The following NKAIN2 variants were observed in gnomAD, a reference collection of about 807,000 sequenced individuals.
NKAIN2 encodes sodium/potassium transporting ATPase interacting 2.
In NKAIN2, 14 loss-of-function variants were observed where a neutral mutation model predicts 32.6. The observed-to-expected ratio is 0.43, with a 90% CI of 0.28 to 0.67. The LOEUF (loss-of-function observed/expected upper bound fraction) is 0.67, where lower values mean the gene tolerates loss of function less well. NKAIN2 is among the 30% of genes least tolerant of loss of function. The probability of loss-of-function intolerance (pLI) is 0.17; values close to 1 mark genes in which losing one functional copy is unlikely to be tolerated. For synonymous variants in NKAIN2, 80 were observed against 87.2 expected, an observed-to-expected ratio of 0.92 and a Z score of 0.46; for missense variants, 198 against 258.3, an observed-to-expected ratio of 0.77 and a Z score of 1.60.
intron 1 of NKAIN2, among the ~76,000 whole-genome samples, chr6:124,220,708 T>G (rs1562431292): frequency 6.6e-6 from 1 of 151,782 alleles, no homozygotes; most frequent in Non-Finnish European, 1.5e-5. Context: ...TAAATTATAC[T>G]AATATATATG....
At chr6:124,256,890 T>TTG (rs1214085642) in intron 1 of NKAIN2, among the ~76,000 whole-genome samples, 9 of 145,818 alleles carry the variant, frequency 6.2e-5, no homozygotes, top group South Asian at 2.2e-4. Flanking sequence ...CTGTTGTTTT[T>TTG]TTTTTTTTTT....
At chr6:123,872,168 A>G (rs538383650) in intron 1 of NKAIN2, among the ~76,000 whole-genome samples, 119 of 152,308 alleles carry the variant, frequency 7.8e-4, no homozygotes, top group Middle Eastern at 3.4e-3. Context: ...ATTATTTGGA[A>G]GTAGAACCTG....
chr6:123,977,045 A>G (rs1389509732), intron 1 of NKAIN2, among the ~76,000 whole-genome samples: 1 of 152,206 alleles, frequency 6.6e-6, no homozygotes, highest in East Asian at 1.9e-4. Context: ...CTGGAGTGCA[A>G]TGGCACAATC....
intron 3 of NKAIN2, among the ~76,000 whole-genome samples, chr6:124,430,654 C>T (rs332629): frequency 0.15 from 22,133 of 146,896 alleles, 2,000 homozygotes; most frequent in East Asian, 0.24. Context: ...CTCAGAGCTA[C>T]GAAGATGTAT....
At chr6:124,201,881 A>G (rs1250632170) in intron 1 of NKAIN2, among the ~76,000 whole-genome samples, 1 of 152,064 alleles carries the variant, frequency 6.6e-6, no homozygotes, top group African/African-American at 2.4e-5. Flanking sequence ...AACTTCAAAT[A>G]GGATAAGATT....
At chr6:124,470,315 A>G (rs555736386) in intron 3 of NKAIN2, among the ~76,000 whole-genome samples, 2 of 152,212 alleles carry the variant, frequency 1.3e-5, no homozygotes, top group Non-Finnish European at 1.5e-5. Flanking sequence ...TTTCTATATT[A>G]ACTCAAGATA....
At chr6:124,820,058 CTCTAA>C (rs1275108886) in intron 6 of NKAIN2, among the ~76,000 whole-genome samples, 3 of 152,076 alleles carry the variant, frequency 2.0e-5, no homozygotes, top group African/African-American at 7.2e-5. Context: ...ATCTTTTCTC[CTCTAA>C]TATTTCTTTT....
intron 1 of NKAIN2, among the ~76,000 whole-genome samples, chr6:124,173,418 G>A (rs1465206880): frequency 2.0e-5 from 3 of 152,000 alleles, no homozygotes; most frequent in Non-Finnish European, 2.9e-5. Context: ...GTAATGAAGT[G>A]AGATACCTAT....
intron 1 of NKAIN2, among the ~76,000 whole-genome samples, chr6:123,941,740 G>T (rs1391597712): frequency 6.6e-6 from 1 of 151,982 alleles, no homozygotes; most frequent in Non-Finnish European, 1.5e-5. Flanking sequence ...CTGCTTCGGG[G>T]TTCAGAAAGA....
chr6:123,820,786 C>T (rs548649398), intron 1 of NKAIN2, among the ~76,000 whole-genome samples: 4 of 152,136 alleles, frequency 2.6e-5, no homozygotes, highest in Admixed American at 2.0e-4. Context: ...GCTATTTAGC[C>T]GTACCCCTCA....
At chr6:123,827,155 C>T (rs1774183119) in intron 1 of NKAIN2, among the ~76,000 whole-genome samples, 1 of 152,086 alleles carries the variant, frequency 6.6e-6, no homozygotes. Flanking sequence ...GGAGAAATGT[C>T]TATTCAAGTC....
intron 1 of NKAIN2, among the ~76,000 whole-genome samples, chr6:124,274,873 T>A (rs2626094): frequency 0.27 from 40,377 of 151,816 alleles, 5,853 homozygotes; most frequent in African/African-American, 0.37. Flanking sequence ...ATCAAGTAAC[T>A]CTTTGCGATT....
chr6:124,068,081 A>G (rs976808131), intron 1 of NKAIN2, among the ~76,000 whole-genome samples: 1 of 152,186 alleles, frequency 6.6e-6, no homozygotes, highest in African/African-American at 2.4e-5. Context: ...GAGTTTTAAT[A>G]ACTTAAGTTT....
intron 5 of NKAIN2, among the ~76,000 whole-genome samples, chr6:124,799,292 C>G (rs1780150178): frequency 6.6e-6 from 1 of 152,178 alleles, no homozygotes; most frequent in Admixed American, 6.5e-5. Flanking sequence ...TGTTTTTCAG[C>G]CTTCTATTAA....
intron 1 of NKAIN2, among the ~76,000 whole-genome samples, chr6:124,036,765 A>C (rs1030391195): frequency 6.6e-6 from 1 of 152,130 alleles, no homozygotes; most frequent in Non-Finnish European, 1.5e-5. Flanking sequence ...TTTCTACTTC[A>C]GAAGTGTGTA....
intron 4 of NKAIN2, among the ~76,000 whole-genome samples, chr6:124,725,562 A>T (rs887517238): frequency 2.0e-5 from 3 of 152,124 alleles, no homozygotes; most frequent in Admixed American, 1.3e-4. Context: ...TTTGTCCTTT[A>T]TTACCCAAAC....
intron 1 of NKAIN2, among the ~76,000 whole-genome samples, chr6:124,244,995 CA>C (rs1554271963): frequency 2.0e-5 from 3 of 152,052 alleles, no homozygotes; most frequent in Non-Finnish European, 1.5e-5. Context: ...ATTCCTAGTG[CA>C]TGTTGGCTCC....
chr6:124,600,771 T>G (rs539894621), intron 3 of NKAIN2, among the ~76,000 whole-genome samples: 2 of 152,250 alleles, frequency 1.3e-5, no homozygotes, highest in East Asian at 1.9e-4. Flanking sequence ...ACAAACATTT[T>G]TATGGTTAAA....
At chr6:124,256,302 G>GA (rs1177440706) in intron 1 of NKAIN2, among the ~76,000 whole-genome samples, 1 of 152,138 alleles carries the variant, frequency 6.6e-6, no homozygotes, top group Non-Finnish European at 1.5e-5. Context: ...ATATTTCTGT[G>GA]AAAAATAAGA....
Sources: gnomAD v4.1 joint callset for allele counts (sites outside exome capture counted in the v4.1 genomes callset) on GRCh38, gnomAD v4.1.1 for gene constraint, MANE v1.5 for transcripts, NCBI Gene and HGNC (gene_info 2026-07-23, HGNC 2026-07-21) for gene names.